RNGTT: variants seen among roughly 807,000 people sequenced by gnomAD.
RNGTT encodes the protein mRNA-capping enzyme.
In RNGTT, 33 loss-of-function variants were observed where a neutral mutation model predicts 79.3. That is an observed-to-expected ratio of 0.42 (90% CI 0.32 to 0.56). RNGTT has a LOEUF of 0.56. Among genes scored for constraint, RNGTT ranks in the 20% least tolerant of loss-of-function variants. The pLI, the probability that RNGTT is intolerant of heterozygous loss-of-function variation, is 0.17. For synonymous variants in RNGTT, 222 were observed against 235.9 expected (o/e 0.94, Z 0.54); for missense variants, 497 against 739.1 (o/e 0.67, Z 3.80).
chr6:88,912,995 G>A (rs1361890011), intron 4 of RNGTT, among the ~76,000 whole-genome samples: 1 of 151,986 alleles, frequency 6.6e-6, no homozygotes, highest in East Asian at 1.9e-4. Flanking sequence ...ACTGAGGCCA[G>A]GAATTCAAGA....
At position 88,904,963 on chromosome 6, in the gene RNGTT, A is replaced by G. The variant is rs1783603623; in HGVS notation, c.444-8T>C. On this transcript the variant is annotated splice_polypyrimidine_tract_variant and splice_region_variant and intron_variant, in intron 5 of 15. Coordinates refer to ENST00000369485, the MANE Select transcript of RNGTT (RefSeq NM_003800.5). ...GCAACTGCTGCTTCGATACTATAGG[A>G]AACAAACACCATGCAATTTCCTCGC... The G allele has an allele frequency of 6.2e-7, 1 of 1,611,012 alleles. No homozygotes were observed. The highest frequency in any genetic ancestry group is 8.5e-7 in the Non-Finnish European group (1 of 1,178,490).
At chr6:88,664,366 T>G (rs971971325) in intron 14 of RNGTT, among the ~76,000 whole-genome samples, 1 of 152,166 alleles carries the variant, frequency 6.6e-6, no homozygotes, top group Non-Finnish European at 1.5e-5. Context: ...TGGCCTTAGT[T>G]AGTCAAAGCG....
chr6:88,698,254 T>TGAA (rs1775803161), intron 13 of RNGTT, among the ~76,000 whole-genome samples: 1 of 109,482 alleles, frequency 9.1e-6, no homozygotes, highest in African/African-American at 5.9e-5. Context: ...ATGAAATATA[T>TGAA]ATATAAATAT....
intron 13 of RNGTT, among the ~76,000 whole-genome samples, chr6:88,705,862 T>A (rs542915951): frequency 6.6e-6 from 1 of 152,246 alleles, no homozygotes; most frequent in East Asian, 1.9e-4. Context: ...CCTTTCACTT[T>A]CTAGCAGGTG....
rs73752989 is a variant in RNGTT at position 88,654,914 on chromosome 6, A to T, written c.1506+23439T>A. ...CACATATTTTGAAACTTCAGCTCAC[A>T]TTACATGTATATAAATACACGTATG... is the stretch of plus-strand genomic sequence containing the variant. On this transcript the variant is annotated intron_variant, in intron 14 of 15. Transcript: ENST00000369485. Among the ~76,000 whole-genome samples, 382 of 152,376 alleles carry T rather than the reference A, an allele frequency of 2.5e-3. 3 individuals carry two copies. Among genetic ancestry groups the T allele is most frequent in the African/African-American group, 8.9e-3 (371 of 41,588 alleles).
intron 2 of RNGTT, among the ~76,000 whole-genome samples, chr6:88,932,358 AAT>A (rs1209180235): frequency 6.6e-6 from 1 of 152,146 alleles, no homozygotes; most frequent in Non-Finnish European, 1.5e-5. Flanking sequence ...CTTCCTTAGT[AAT>A]TCTAGTTTCG....
intron 14 of RNGTT, among the ~76,000 whole-genome samples, chr6:88,650,162 C>T (rs1163835475): frequency 6.6e-6 from 1 of 152,160 alleles, no homozygotes; most frequent in Non-Finnish European, 1.5e-5. Context: ...AACTTTTCCT[C>T]ACTAATATAA....
At chr6:88,924,677 GTTGT>G (rs1348029593) in intron 4 of RNGTT, among the ~76,000 whole-genome samples, 1 of 150,368 alleles carries the variant, frequency 6.7e-6, no homozygotes, top group Non-Finnish European at 1.5e-5. Context: ...TTTTGTTGTT[GTTGT>G]TTTATGTTTT....
chr6:88,751,497 A>C (rs1008477923), intron 13 of RNGTT, among the ~76,000 whole-genome samples: 13 of 152,156 alleles, frequency 8.5e-5, no homozygotes, highest in African/African-American at 3.1e-4. Flanking sequence ...TTAAATGAAA[A>C]TACAGTGTAC....
intron 13 of RNGTT, among the ~76,000 whole-genome samples, chr6:88,685,153 T>C (rs1562193698): frequency 6.6e-6 from 1 of 152,004 alleles, no homozygotes; most frequent in African/African-American, 2.4e-5. Flanking sequence ...AAGGAACAAA[T>C]GGATGTTGCA....
intron 14 of RNGTT, among the ~76,000 whole-genome samples, chr6:88,672,246 C>A (rs1318961584): frequency 7.0e-6 from 1 of 143,474 alleles, no homozygotes; most frequent in Non-Finnish European, 1.5e-5. Context: ...TATACACACA[C>A]ACACATATAT....
intron 11 of RNGTT, among the ~76,000 whole-genome samples, chr6:88,810,276 T>C (rs1269438487): frequency 1.3e-5 from 2 of 152,148 alleles, no homozygotes; most frequent in African/African-American, 2.4e-5. Flanking sequence ...GGAACAGCCA[T>C]AGCTCACTGG....
chr6:88,929,721 TTC>T (rs1381714250), intron 2 of RNGTT, among the ~76,000 whole-genome samples: 6 of 151,916 alleles, frequency 3.9e-5, no homozygotes, highest in Non-Finnish European at 7.4e-5. Context: ...CCACCAATAA[TTC>T]TGTTAATATC....
intron 2 of RNGTT, among the ~76,000 whole-genome samples, chr6:88,930,597 C>T (rs933756475): frequency 6.6e-6 from 1 of 152,038 alleles, no homozygotes; most frequent in Non-Finnish European, 1.5e-5. Context: ...AAAATCCACA[C>T]ATTCATAAAA....
chr6:88,787,459 G>C (rs889674203), intron 12 of RNGTT, among the ~76,000 whole-genome samples: 1 of 152,128 alleles, frequency 6.6e-6, no homozygotes, highest in Admixed American at 6.5e-5. Context: ...AAGAGATCCA[G>C]ACCATCCTGG....
chr6:88,880,025 C>T (rs1392703603), intron 8 of RNGTT, among the ~76,000 whole-genome samples: 1 of 152,180 alleles, frequency 6.6e-6, no homozygotes, highest in East Asian at 1.9e-4. Context: ...AAAATATTTA[C>T]TACTACGTCC....
intron 13 of RNGTT, among the ~76,000 whole-genome samples, chr6:88,706,854 T>A (rs1776145836): frequency 6.6e-6 from 1 of 151,710 alleles, no homozygotes; most frequent in South Asian, 2.1e-4. Context: ...CAAGAACCTA[T>A]CACACGAATC....
At chr6:88,754,248 A>G (rs1777934392) in intron 13 of RNGTT, among the ~76,000 whole-genome samples, 1 of 152,186 alleles carries the variant, frequency 6.6e-6, no homozygotes, top group Non-Finnish European at 1.5e-5. Flanking sequence ...ATGATTGAGA[A>G]GACCCTAAAG....
rs116665474 is a variant in RNGTT, at chr6:88,941,263, A to G, written c.65-83T>C. The G allele has an allele frequency of 5.5e-3, 5,379 of 984,678 alleles. 208 individuals are homozygous for G. The African/African-American group carries it at 0.078, about 14-fold the overall frequency. 61.0% of individuals were successfully genotyped at this position (984,678 alleles called of 1,614,324 possible). A position where few individuals can be genotyped will look rare whatever the true frequency, so the allele number is the denominator to read the frequency against. ...CTATAATTAACAATTCTCAAATATC[A>G]CCTTCTTAAAACCTTTTTTTTTGAG... On this transcript the variant is annotated intron_variant, in intron 1 of 15. Transcript: ENST00000369485.
Sources: allele counts gnomAD v4.1 joint callset (sites outside exome capture counted in the v4.1 genomes callset), GRCh38; gene constraint gnomAD v4.1.1; transcripts MANE v1.5; gene names NCBI Gene and HGNC (gene_info 2026-07-23, HGNC 2026-07-21).